DCN: variants seen among roughly 807,000 people sequenced by gnomAD.
The protein encoded by DCN is bone proteoglycan II.
Under a neutral mutation model 36.5 loss-of-function variants are expected in DCN, and 17 were observed. That is an observed-to-expected ratio of 0.47 (90% CI 0.32 to 0.70). DCN has a LOEUF of 0.70. Ranked by LOEUF, DCN falls within the 30% of genes least tolerant of loss-of-function variation. The pLI, the probability that DCN is intolerant of heterozygous loss-of-function variation, is 0.04. For synonymous variants in DCN, 163 were observed against 161.4 expected, an observed-to-expected ratio of 1.01 and a Z score of -0.07; for missense variants, 389 against 430.1, an observed-to-expected ratio of 0.90 and a Z score of 0.84.
chr12:91,156,365 T>C (rs1490297991), intron 5 of DCN, among the ~76,000 whole-genome samples: 1 of 152,250 alleles, frequency 6.6e-6, no homozygotes, highest in Non-Finnish European at 1.5e-5. Flanking sequence ...GAGAGTTATA[T>C]TAATTCCCTA....
intron 2 of DCN, chr12:91,175,406 T>C (rs897359223): frequency 1.3e-5 from 2 of 151,898 alleles, no homozygotes; most frequent in African/African-American, 4.8e-5. Flanking sequence ...AAACAGTCCA[T>C]GCATTTTTCC....
chr12:91,167,050 C>T (rs1378369281), intron 2 of DCN, among the ~76,000 whole-genome samples: 2 of 152,102 alleles, frequency 1.3e-5, no homozygotes, highest in Admixed American at 6.5e-5. Flanking sequence ...AGTTTCATAA[C>T]ATGAACAAGC....
In DCN at chr12:91,142,880, T is replaced by G. The variant is rs1247726177; in HGVS notation, c.*3178A>C. On this transcript the variant is annotated 3_prime_UTR_variant, in exon 8 of 8. Coordinates refer to ENST00000052754, the MANE Select transcript of DCN (RefSeq NM_001920.5). Reference sequence around the variant, plus strand: ...AATAAGGAAAAAAGAAAGTGGATATTAATGATTAAGTTGTGTCTCCTCCCA... The same window carrying G: ...AATAAGGAAAAAAGAAAGTGGATATGAATGATTAAGTTGTGTCTCCTCCCA... The G allele has an allele frequency of 1.3e-5, 2 of 152,168 alleles. No homozygotes were observed. The highest frequency in any genetic ancestry group is 2.9e-5 in the Non-Finnish European group (2 of 68,022). 9.4% of individuals were successfully genotyped at this position (152,168 alleles called of 1,614,324 possible).
intron 7 of DCN, among the ~76,000 whole-genome samples, chr12:91,148,795 G>C (rs1881218456): frequency 6.6e-6 from 1 of 150,582 alleles, no homozygotes; most frequent in South Asian, 2.1e-4. Flanking sequence ...TTCATGTGCT[G>C]GTGAAAACGG....
intron 7 of DCN, 36 bp from the exon 8 acceptor site, chr12:91,146,288 T>A (rs1718207081): frequency 7.6e-7 from 1 of 1,309,520 alleles, no homozygotes; most frequent in Non-Finnish European, 1.1e-6. Flanking sequence ...ATTATTATTC[T>A]CTAAATATGT....
chr12:91,176,383 A>G (rs529539365), intron 2 of DCN: 1 of 152,262 alleles, frequency 6.6e-6, no homozygotes, highest in Admixed American at 6.5e-5. Flanking sequence ...TAGAAAAAAG[A>G]TAACATGTAG....
intron 7 of DCN, among the ~76,000 whole-genome samples, chr12:91,148,608 C>A (rs1231287076): frequency 6.8e-6 from 1 of 147,982 alleles, no homozygotes; most frequent in African/African-American, 2.5e-5. Flanking sequence ...CCCAGCTACT[C>A]GGGAGGCTGA....
At chr12:91,157,229 A>G (rs1476452620) in intron 4 of DCN, 41 bp from the exon 5 acceptor site, 2 of 1,346,906 alleles carry the variant, frequency 1.5e-6, no homozygotes, top group East Asian at 2.3e-5. Flanking sequence ...AGGAAATTTT[A>G]GGATATTACT....
intron 3 of DCN, among the ~76,000 whole-genome samples, chr12:91,160,417 T>C (rs774528184): frequency 1.5e-4 from 23 of 152,036 alleles, no homozygotes; most frequent in Non-Finnish European, 3.1e-4. Flanking sequence ...GATTTTTTTC[T>C]CCAAAGCCAT....
At position 91,155,050 on chromosome 12, in the gene DCN, A is replaced by C. The variant is rs369422255; in HGVS notation, c.653-1861T>G. Among the ~76,000 whole-genome samples, 22 of 152,254 alleles carry C rather than the reference A, an allele frequency of 1.4e-4. No homozygotes were observed. The East Asian group carries it at 3.7e-3, about 25-fold the overall frequency. On this transcript the variant is annotated intron_variant, in intron 5 of 7. Coordinates refer to ENST00000052754, the MANE Select transcript of DCN (RefSeq NM_001920.5). ...TATCACCAGGAGGTTGCTGATATTC[A>C]GGCATAGGTATCCCAGCCTAAGCAA...
At chr12:91,152,543 C>A (rs143060308) in intron 6 of DCN, among the ~76,000 whole-genome samples, 5 of 152,086 alleles carry the variant, frequency 3.3e-5, no homozygotes, top group Admixed American at 3.3e-4. Flanking sequence ...TAAAAAAAAT[C>A]ATTAAGAAGG....
intron 1 of DCN, 62 bp downstream of exon 1, chr12:91,182,593 G>C (rs555422852): frequency 6.6e-6 from 1 of 150,634 alleles, no homozygotes; most frequent in Admixed American, 6.6e-5. Flanking sequence ...CCTTTTGCTC[G>C]CAACTTGACC....
intron 2 of DCN, chr12:91,176,665 AC>A (rs1883307619): frequency 6.6e-6 from 1 of 152,182 alleles, no homozygotes; most frequent in South Asian, 2.1e-4. Context: ...ATAAAACTTC[AC>A]TAAAGTGACT....
chr12:91,180,647 C>T (rs1194857489), intron 1 of DCN: 2 of 152,116 alleles, frequency 1.3e-5, no homozygotes, highest in Admixed American at 6.6e-5. Flanking sequence ...TTAAGTTCAA[C>T]ATTAAGCTTC....
chr12:91,173,079 G>T (rs1032267860), intron 2 of DCN, among the ~76,000 whole-genome samples: 2 of 151,878 alleles, frequency 1.3e-5, no homozygotes, highest in Admixed American at 1.3e-4. Flanking sequence ...TATGCTAAGG[G>T]CTTTCTCTTT....
At chr12:91,164,073 C>T (rs1052664319) in intron 3 of DCN, among the ~76,000 whole-genome samples, 3 of 151,974 alleles carry the variant, frequency 2.0e-5, no homozygotes, top group African/African-American at 7.3e-5. Flanking sequence ...AAATATGATG[C>T]TTTGCTTCCC....
intron 7 of DCN, among the ~76,000 whole-genome samples, chr12:91,150,618 T>C (rs1374057105): frequency 6.6e-6 from 1 of 152,070 alleles, no homozygotes; most frequent in African/African-American, 2.4e-5. Context: ...TGTGGAGAAA[T>C]AGGAGTGCTT....
intron 7 of DCN, among the ~76,000 whole-genome samples, chr12:91,149,584 C>T (rs1395662365): frequency 6.6e-6 from 1 of 152,034 alleles, no homozygotes; most frequent in East Asian, 1.9e-4. Flanking sequence ...ATTGCACTGG[C>T]GATTCCAGCC....
At chr12:91,166,504 T>C (rs987565645) in intron 2 of DCN, among the ~76,000 whole-genome samples, 2 of 152,210 alleles carry the variant, frequency 1.3e-5, no homozygotes, top group African/African-American at 4.8e-5. Context: ...TTCTTTTCAT[T>C]TGGAACGTAG....
Sources: gnomAD v4.1 joint callset for allele counts (sites outside exome capture counted in the v4.1 genomes callset) on GRCh38, gnomAD v4.1.1 for gene constraint, MANE v1.5 for transcripts, NCBI Gene and HGNC (gene_info 2026-07-23, HGNC 2026-07-21) for gene names.